Variants in POT1 observed in about 807,000 individuals in gnomAD.
POT1 encodes the protein protection of telomeres protein 1.
A neutral mutation model predicts 78.5 loss-of-function variants in POT1; 47 were observed. The ratio of observed to expected loss-of-function variants is 0.60; its 90% CI spans 0.47 to 0.76. The LOEUF is 0.76. POT1 is among the 30% of genes least tolerant of loss of function. POT1 has a pLI of 0.00. For missense variants in POT1, 646 were observed against 749.9 expected, an observed-to-expected ratio of 0.86 and a Z score of 1.62; for synonymous variants, 259 against 260.7, an observed-to-expected ratio of 0.99 and a Z score of 0.06.
At chr7:124,875,579 A>T (rs1795970236) in intron 6 of POT1, among the ~76,000 whole-genome samples, 1 of 152,186 alleles carries the variant, frequency 6.6e-6, no homozygotes, top group African/African-American at 2.4e-5. Flanking sequence ...TTATTAGATG[A>T]ATCAGAAGCT....
chr7:124,891,393 C>G (rs965602706), intron 6 of POT1, among the ~76,000 whole-genome samples: 4 of 151,342 alleles, frequency 2.6e-5, no homozygotes, highest in African/African-American at 9.7e-5. Context: ...TTCATTTAGC[C>G]TATGTGTGTC....
At chr7:124,845,040 T>C (rs1795132090) in intron 12 of POT1, among the ~76,000 whole-genome samples, 2 of 152,214 alleles carry the variant, frequency 1.3e-5, no homozygotes, top group South Asian at 4.1e-4. Flanking sequence ...CCAGACATTA[T>C]GCCTCCTTTC....
chr7:124,913,315 T>C (rs1168693743), intron 3 of POT1, among the ~76,000 whole-genome samples: 2 of 152,186 alleles, frequency 1.3e-5, no homozygotes, highest in African/African-American at 4.8e-5. Context: ...ATTTTTTTAA[T>C]TGAATTGCTT....
At chr7:124,824,913 T>C (rs906596466) in intron 18 of POT1, among the ~76,000 whole-genome samples, 1 of 152,144 alleles carries the variant, frequency 6.6e-6, no homozygotes, top group Non-Finnish European at 1.5e-5. Context: ...TTGGAGTTTG[T>C]TACAGAAAAT....
chr7:124,869,976 C>T (rs1795828071), intron 7 of POT1, among the ~76,000 whole-genome samples: 1 of 152,124 alleles, frequency 6.6e-6, no homozygotes, highest in African/African-American at 2.4e-5. Context: ...TAAAAAGTGC[C>T]TAAGAGTAGA....
At chr7:124,882,893 T>C (rs1407447592) in intron 6 of POT1, among the ~76,000 whole-genome samples, 7 of 151,860 alleles carry the variant, frequency 4.6e-5, no homozygotes, top group East Asian at 1.9e-4. Flanking sequence ...AAATGAGAAA[T>C]AGCAAAAAAT....
intron 9 of POT1, among the ~76,000 whole-genome samples, chr7:124,858,459 T>C (rs1319165527): frequency 6.6e-6 from 1 of 152,124 alleles, no homozygotes; most frequent in African/African-American, 2.4e-5. Context: ...ATGCAAATTC[T>C]ATAAATTACA....
intron 2 of POT1, among the ~76,000 whole-genome samples, chr7:124,926,160 C>T (rs1311018481): frequency 6.6e-6 from 1 of 151,974 alleles, no homozygotes; most frequent in Non-Finnish European, 1.5e-5. Context: ...ACAGAATGAA[C>T]AATCTCAGGA....
At position 124,887,310 on chromosome 7, in the gene POT1, G is replaced by C. The variant is rs550767329; in HGVS notation, c.124+4956C>G. 2.6e-5 allele frequency among the ~76,000 whole-genome samples: 4 copies of C among 152,138 alleles called. No homozygotes were observed. The South Asian group carries it at 6.2e-4, about 24-fold the overall frequency. On this transcript the variant is annotated intron_variant, in intron 6 of 18. Transcript: ENST00000357628. ...CCTCTACAACAACAGATATTAAAAG[G>C]ATTTTCCACAAAACATTCTTTGCAG...
intron 12 of POT1, among the ~76,000 whole-genome samples, chr7:124,845,554 C>T (rs1474413873): frequency 1.3e-5 from 2 of 152,102 alleles, no homozygotes; most frequent in Non-Finnish European, 2.9e-5. Flanking sequence ...AGGTAGTGTC[C>T]AATCACTTCT....
intron 7 of POT1, among the ~76,000 whole-genome samples, chr7:124,864,769 AT>A (rs1382717916): frequency 2.6e-5 from 4 of 151,830 alleles, no homozygotes; most frequent in Non-Finnish European, 5.9e-5. Context: ...CTGTTGTAGT[AT>A]TTTTTCTACA....
rs1796513225 is a variant in POT1 at position 124,897,215 on chromosome 7, G to C, written c.-39-3C>G. ...TCTCTTAAAGATTTGACATAAACCT[G>C]AAGGAAAAAAAGAAAGAACTTATTT... On this transcript the variant is annotated splice_polypyrimidine_tract_variant and splice_region_variant and intron_variant, in intron 4 of 18. Transcript: ENST00000357628. 7.3e-7 allele frequency: 1 copy of C among 1,372,478 alleles called. No homozygotes were observed. The highest frequency in any genetic ancestry group is 1.0e-6 in the Non-Finnish European group (1 of 991,044). 85.0% of individuals were successfully genotyped at this position (1,372,478 alleles called of 1,614,324 possible). A position where few individuals can be genotyped will look rare whatever the true frequency, so the allele number is the denominator to read the frequency against.
intron 12 of POT1, among the ~76,000 whole-genome samples, chr7:124,843,653 T>A (rs11980925): frequency 0.4 from 60,662 of 151,990 alleles, 12,239 homozygotes; most frequent in East Asian, 0.5. Flanking sequence ...TGGCCTGGGA[T>A]TGTAGTGATC....
chr7:124,864,117 C>G (rs1271035345), intron 7 of POT1, among the ~76,000 whole-genome samples: 3 of 152,092 alleles, frequency 2.0e-5, no homozygotes, highest in African/African-American at 4.8e-5. Context: ...GCCATAAGCT[C>G]TTTTGCTTTC....
chr7:124,921,303 C>T (rs961555710), intron 2 of POT1, among the ~76,000 whole-genome samples: 1 of 152,004 alleles, frequency 6.6e-6, no homozygotes, highest in African/African-American at 2.4e-5. Context: ...CAAATCATAG[C>T]ACTTTATTAA....
intron 3 of POT1, among the ~76,000 whole-genome samples, chr7:124,911,571 C>A (rs922100430): frequency 3.9e-5 from 6 of 152,066 alleles, no homozygotes; most frequent in Admixed American, 6.6e-5. Context: ...GCATTACTTC[C>A]CTAAATTCTA....
At chr7:124,892,147 T>C (rs1282410103) in intron 6 of POT1, 119 bp downstream of exon 6, 8 of 596,360 alleles carry the variant, frequency 1.3e-5, no homozygotes, top group African/African-American at 1.2e-4. Context: ...TCAGTGTTGT[T>C]TGGCAATTAT....
At chr7:124,884,624 G>GT (rs397789337) in intron 6 of POT1, among the ~76,000 whole-genome samples, 1 of 150,998 alleles carries the variant, frequency 6.6e-6, no homozygotes, top group East Asian at 1.9e-4. Flanking sequence ...AAGAAAGAAG[G>GT]ACTCAAAATT....
intron 9 of POT1, among the ~76,000 whole-genome samples, chr7:124,855,072 C>A (rs1468350727): frequency 6.6e-6 from 1 of 151,080 alleles, no homozygotes; most frequent in African/African-American, 2.4e-5. Flanking sequence ...AAAAGCTAAT[C>A]CAAAAACTTA....
Sources: gnomAD v4.1 joint callset for allele counts (sites outside exome capture counted in the v4.1 genomes callset) on GRCh38, gnomAD v4.1.1 for gene constraint, MANE v1.5 for transcripts, NCBI Gene and HGNC (gene_info 2026-07-23, HGNC 2026-07-21) for gene names.